TTC27: variants seen among roughly 807,000 people sequenced by gnomAD.
TTC27 encodes tetratricopeptide repeat protein 27.
TTC27 carries 79 observed loss-of-function variants against 115.9 expected under a neutral mutation model. The observed-to-expected ratio is 0.68, with a 90% CI of 0.57 to 0.82. The LOEUF (loss-of-function observed/expected upper bound fraction) is 0.82, where lower values mean the gene tolerates loss of function less well. Ranked by LOEUF, TTC27 falls within the 40% of genes least tolerant of loss-of-function variation. The pLI is 0.00. For missense variants in TTC27, 1,054 were observed against 993.1 expected, an observed-to-expected ratio of 1.06 and a Z score of -0.82; for synonymous variants, 401 against 356.0, an observed-to-expected ratio of 1.13 and a Z score of -1.42.
At chr2:32,670,459 A>G (rs1665971342) in intron 7 of TTC27, among the ~76,000 whole-genome samples, 1 of 152,152 alleles carries the variant, frequency 6.6e-6, no homozygotes, top group Non-Finnish European at 1.5e-5. Context: ...ACAGTGTATA[A>G]TCTTTTGGTC....
chr2:32,708,492 A>G (rs1478571515), intron 10 of TTC27, among the ~76,000 whole-genome samples: 3 of 151,068 alleles, frequency 2.0e-5, no homozygotes, highest in South Asian at 2.1e-4. Context: ...TTGTATTTTT[A>G]GTAGAGACAC....
chr2:32,632,814 C>T (rs564483854), intron 2 of TTC27, among the ~76,000 whole-genome samples: 1 of 151,820 alleles, frequency 6.6e-6, no homozygotes, highest in African/African-American at 2.4e-5. Flanking sequence ...TGGATCTGTA[C>T]CTATTTAGAT....
intron 10 of TTC27, among the ~76,000 whole-genome samples, chr2:32,727,582 T>C (rs1668153265): frequency 2.6e-5 from 4 of 152,176 alleles, no homozygotes. Flanking sequence ...TACCTATCTG[T>C]GTGAGGACAG....
At chr2:32,668,300 G>T (rs1665866927) in intron 7 of TTC27, among the ~76,000 whole-genome samples, 1 of 151,554 alleles carries the variant, frequency 6.6e-6, no homozygotes, top group Non-Finnish European at 1.5e-5. Context: ...AACCCAGGAG[G>T]TGGAGGCTAC....
chr2:32,659,066 A>G (rs1262099538), intron 5 of TTC27, among the ~76,000 whole-genome samples: 2 of 152,112 alleles, frequency 1.3e-5, no homozygotes, highest in African/African-American at 2.4e-5. Context: ...TTGGGTTCAA[A>G]TGATCCTCCC....
chr2:32,741,726 G>T (rs1668655043), intron 12 of TTC27, among the ~76,000 whole-genome samples: 1 of 152,126 alleles, frequency 6.6e-6, no homozygotes, highest in African/African-American at 2.4e-5. Flanking sequence ...GTTTTGGCAT[G>T]TAGCAAGAAG....
chr2:32,674,385 A>C (rs1270339247), intron 8 of TTC27, among the ~76,000 whole-genome samples: 1 of 152,018 alleles, frequency 6.6e-6, no homozygotes, highest in Non-Finnish European at 1.5e-5. Context: ...TCCTGACCTC[A>C]GGTGATCCGC....
chr2:32,670,698 A>G (rs1255141695), intron 7 of TTC27, among the ~76,000 whole-genome samples: 4 of 151,896 alleles, frequency 2.6e-5, no homozygotes, highest in South Asian at 2.1e-4. Context: ...GCTTACTGCA[A>G]CCTCCACCTC....
intron 18 of TTC27, among the ~76,000 whole-genome samples, chr2:32,816,396 G>A (rs1473380086): frequency 6.6e-6 from 1 of 152,052 alleles, no homozygotes; most frequent in Non-Finnish European, 1.5e-5. Context: ...GCGCTGTTTA[G>A]TGTCATTTTA....
chr2:32,728,679 C>G (rs1340226637), intron 10 of TTC27, among the ~76,000 whole-genome samples: 10 of 152,180 alleles, frequency 6.6e-5, no homozygotes, highest in Non-Finnish European at 1.2e-4. Flanking sequence ...ACAGGCTCAC[C>G]TATTTCATCG....
At chr2:32,674,977 TTA>T (rs1354476335) in intron 8 of TTC27, among the ~76,000 whole-genome samples, 2 of 152,212 alleles carry the variant, frequency 1.3e-5, no homozygotes, top group African/African-American at 4.8e-5. Context: ...GTGACAGAAT[TTA>T]TGTTTACTGC....
chr2:32,685,032 T>A (rs1338918306), intron 9 of TTC27, among the ~76,000 whole-genome samples: 1 of 148,084 alleles, frequency 6.8e-6, no homozygotes, highest in Non-Finnish European at 1.5e-5. Context: ...TTTTTTTTTT[T>A]TTTTTAATTT....
chr2:32,741,892 T>G (rs1668660832), intron 12 of TTC27, among the ~76,000 whole-genome samples: 1 of 152,078 alleles, frequency 6.6e-6, no homozygotes, highest in East Asian at 1.9e-4. Flanking sequence ...AAAAACAAAT[T>G]ATGAGATTCC....
chr2:32,680,320 T>G (rs1228054413), intron 9 of TTC27, among the ~76,000 whole-genome samples: 1 of 152,226 alleles, frequency 6.6e-6, no homozygotes, highest in South Asian at 2.1e-4. Context: ...TCAGCTAATA[T>G]ATATCTACTA....
chr2:32,750,083 C>T (rs1668957810), intron 12 of TTC27, among the ~76,000 whole-genome samples: 1 of 152,198 alleles, frequency 6.6e-6, no homozygotes, highest in African/African-American at 2.4e-5. Context: ...GAATCATTGA[C>T]TAGTCCACTT....
At chr2:32,695,997 C>T (rs923169009) in intron 9 of TTC27, among the ~76,000 whole-genome samples, 1 of 150,746 alleles carries the variant, frequency 6.6e-6, no homozygotes, top group South Asian at 2.1e-4. Flanking sequence ...GTGGCATGTA[C>T]CTGTAATCCC....
chr2:32,749,927 A>T (rs1668953556), intron 12 of TTC27, among the ~76,000 whole-genome samples: 1 of 152,226 alleles, frequency 6.6e-6, no homozygotes, highest in Non-Finnish European at 1.5e-5. Context: ...AAAAGATTTT[A>T]TCACTTAGGC....
intron 4 of TTC27, among the ~76,000 whole-genome samples, chr2:32,646,369 G>C (rs1459010101): frequency 1.3e-5 from 2 of 151,776 alleles, no homozygotes; most frequent in African/African-American, 2.4e-5. Context: ...GGATCTCACT[G>C]CATTGCCCAG....
In TTC27 at chr2:32,640,302, G is replaced by T. The variant is rs2151863021; in HGVS notation, c.429G>T (p.Leu143=). ...VKGLDAFVLS[L]LTLDGESIYS... Reference sequence around the variant, plus strand: ...GACTGGATGCATTTGTTCTGAGCCTGCTCACTCTAGATGGTGAATCAATCT... The same window carrying T: ...GACTGGATGCATTTGTTCTGAGCCTTCTCACTCTAGATGGTGAATCAATCT... The change falls in exon 4 of 20, where the codon CTG becomes CTT. Residue 143 remains leucine, a synonymous_variant. Transcript: ENST00000317907. The T allele has an allele frequency of 6.2e-7, 1 of 1,614,010 alleles. No homozygotes were observed. Among genetic ancestry groups the T allele is most frequent in the Non-Finnish European group, 8.5e-7 (1 of 1,179,970 alleles).
Sources: gnomAD v4.1 joint callset for allele counts (sites outside exome capture counted in the v4.1 genomes callset) on GRCh38, gnomAD v4.1.1 for gene constraint, MANE v1.5 for transcripts, NCBI Gene and HGNC (gene_info 2026-07-23, HGNC 2026-07-21) for gene names.